Variants in FKTN observed in about 807,000 individuals in gnomAD.
The protein encoded by FKTN is fukutin.
Under a neutral mutation model 58.6 loss-of-function variants are expected in FKTN, and 47 were observed. The ratio of observed to expected loss-of-function variants is 0.80; its 90% CI spans 0.63 to 1.02. FKTN has a LOEUF of 1.02. Ranked by LOEUF, FKTN falls within the 50% of genes least tolerant of loss-of-function variation. The pLI, the probability that FKTN is intolerant of heterozygous loss-of-function variation, is 0.00. For synonymous variants in FKTN, 178 were observed against 191.9 expected, an observed-to-expected ratio of 0.93 and a Z score of 0.60; for missense variants, 516 against 537.3, an observed-to-expected ratio of 0.96 and a Z score of 0.39.
intron 10 of FKTN, among the ~76,000 whole-genome samples, chr9:105,622,346 G>A (rs1832111199): frequency 6.6e-6 from 1 of 151,930 alleles, no homozygotes; most frequent in East Asian, 1.9e-4. Flanking sequence ...AAAGGCAGAA[G>A]AGGAACTCAA....
At chr9:105,634,979 T>G in intron 10 of FKTN, 72 bp from the exon 11 acceptor site, 1 of 1,191,556 alleles carries the variant, frequency 8.4e-7, no homozygotes, top group Non-Finnish European at 1.3e-6. Flanking sequence ...CAGCCAATAA[T>G]GCACTAGCAG....
intron 8 of FKTN, 49 bp from the exon 9 acceptor site, chr9:105,617,910 A>G: frequency 8.0e-7 from 1 of 1,250,998 alleles, no homozygotes; most frequent in Non-Finnish European, 1.1e-6. Flanking sequence ...ATAATAACTA[A>G]TTTTTTCCAA....
chr9:105,606,694 TTA>T (rs201784966), intron 6 of FKTN, among the ~76,000 whole-genome samples: 3 of 92,116 alleles, frequency 3.3e-5, no homozygotes, highest in Non-Finnish European at 6.1e-5. Context: ...TATATATATA[TTA>T]TATATATATG....
chr9:105,594,072 T>C (rs1388150590), intron 3 of FKTN, among the ~76,000 whole-genome samples: 1 of 152,152 alleles, frequency 6.6e-6, no homozygotes, highest in African/African-American at 2.4e-5. Context: ...TGTATACTGA[T>C]GGGAATGATC....
At chr9:105,608,669 C>T (rs1363265285) in intron 7 of FKTN, among the ~76,000 whole-genome samples, 2 of 152,152 alleles carry the variant, frequency 1.3e-5, no homozygotes, top group Admixed American at 6.5e-5. Context: ...ACGAGGGATA[C>T]GAAAATGAAG....
At chr9:105,593,995 G>A (rs576685050) in intron 3 of FKTN, among the ~76,000 whole-genome samples, 1 of 152,284 alleles carries the variant, frequency 6.6e-6, no homozygotes, top group East Asian at 1.9e-4. Flanking sequence ...GAAAAGAGGA[G>A]TTGAGAAGTT....
intron 1 of FKTN, among the ~76,000 whole-genome samples, chr9:105,563,456 T>C (rs1838695675): frequency 1.3e-5 from 2 of 152,222 alleles, no homozygotes; most frequent in African/African-American, 4.8e-5. Context: ...CCCACCCTAA[T>C]ACTGTGCTTT....
Position 105,581,521 on chromosome 9 carries a change from G to T in FKTN, c.105+6384G>T, listed in dbSNP as rs936752477. Among the ~76,000 whole-genome samples, 503 of 151,200 alleles carry T rather than the reference G, an allele frequency of 3.3e-3. 8 individuals carry two copies. The highest frequency in any genetic ancestry group is 0.024 in the East Asian group (123 of 5,156). On this transcript the variant is annotated intron_variant, in intron 3 of 10. Transcript: ENST00000357998. Reference sequence around the variant, plus strand: ...GACCCACTTGAGGAGGCAGTCTGCCGGTTCTCAGATCTCCAGCTGCGTGCT... The same window carrying T: ...GACCCACTTGAGGAGGCAGTCTGCCTGTTCTCAGATCTCCAGCTGCGTGCT...
At chr9:105,566,206 T>C (rs1040809915) in intron 1 of FKTN, among the ~76,000 whole-genome samples, 41 of 152,226 alleles carry the variant, frequency 2.7e-4, no homozygotes, top group Non-Finnish European at 5.1e-4. Context: ...AGGAAAGATC[T>C]AAAATTGACA....
chr9:105,590,132 C>T (rs910064172), intron 3 of FKTN, among the ~76,000 whole-genome samples: 2 of 152,054 alleles, frequency 1.3e-5, no homozygotes, highest in Non-Finnish European at 2.9e-5. Context: ...AATTGTAGCT[C>T]CCATAATTCC....
Position 105,627,934 on chromosome 9 carries a change from C to A in FKTN, c.1173-7117C>A, listed in dbSNP as rs143831424. ...GTTTTGTTAAGATGATAAGGTGACA[C>A]TGGGTTGATGACTTGATCCAACCTA... On this transcript the variant is annotated intron_variant, in intron 10 of 10. Transcript: ENST00000357998. Among the ~76,000 whole-genome samples the A allele has an allele frequency of 1.9e-3, 284 of 152,290 alleles. 4 individuals are homozygous for A. Among genetic ancestry groups the A allele is most frequent in the Admixed American group, 0.016 (243 of 15,292 alleles).
At chr9:105,593,996 T>C (rs1021563613) in intron 3 of FKTN, among the ~76,000 whole-genome samples, 2 of 151,776 alleles carry the variant, frequency 1.3e-5, no homozygotes, top group African/African-American at 4.8e-5. Flanking sequence ...AAAAGAGGAG[T>C]TGAGAAGTTT....
At chr9:105,586,659 G>A (rs72746056) in intron 3 of FKTN, among the ~76,000 whole-genome samples, 3,167 of 152,202 alleles carry the variant, frequency 0.021, 47 homozygotes, top group Admixed American at 0.037. Flanking sequence ...CAATTGTTTG[G>A]CTTTCAGCAA....
Position 105,636,727 on chromosome 9 carries a change from G to T in FKTN, c.*1463G>T, listed in dbSNP as rs749310701. On this transcript the variant is annotated 3_prime_UTR_variant, in exon 11 of 11. Coordinates refer to ENST00000357998, the MANE Select transcript of FKTN (RefSeq NM_001079802.2). ...ATGCTATTTAGGACTACTTTCTGGA[G>T]CTTGGCAGATTTTCCTCTGACACCA... 1.0e-5 allele frequency: 13 copies of T among 1,297,480 alleles called. No homozygotes were observed. The South Asian group carries it at 1.6e-4, about 16-fold the overall frequency. 80.4% of individuals were successfully genotyped at this position (1,297,480 alleles called of 1,614,324 possible).
chr9:105,574,988 G>T lies in FKTN; in HGVS notation c.-45G>T, dbSNP rs77013649. 4.5e-3 allele frequency: 4,528 copies of T among 1,013,936 alleles called. 137 individuals carry two copies. In the African/African-American group the frequency reaches 0.064, roughly 14 times the overall value. The allele number at this position is 1,013,936 out of a possible 1,614,324, so 62.8% of individuals were successfully genotyped here. A position where few individuals can be genotyped will look rare whatever the true frequency, so the allele number is the denominator to read the frequency against. On this transcript the variant is annotated 5_prime_UTR_variant, in exon 3 of 11. Transcript: ENST00000357998. The stretch of plus-strand genomic sequence containing the variant: ...TTTCCAAATCCAAAAAGATGAAAAC[G>T]ACTGAGATACTTTCAAAAGACAACC...
rs116515254 is a variant in FKTN, at chr9:105,560,518, T to C, written c.-181+2353T>C. On this transcript the variant is annotated intron_variant, in intron 1 of 10. Coordinates refer to ENST00000357998, the MANE Select transcript of FKTN (RefSeq NM_001079802.2). ...ACTTCTTATGAAAATAATATATGCT[T>C]ATACAAATATTGGAACAATATAGAA... Among the ~76,000 whole-genome samples, 1,379 of 152,278 alleles carry C rather than the reference T, an allele frequency of 9.1e-3. 20 individuals carry two copies. The highest frequency in any genetic ancestry group is 0.032 in the African/African-American group (1,319 of 41,534).
intron 1 of FKTN, among the ~76,000 whole-genome samples, chr9:105,569,798 T>G (rs1046836709): frequency 6.6e-6 from 1 of 152,206 alleles, no homozygotes; most frequent in Admixed American, 6.5e-5. Context: ...TTACATCTTT[T>G]TTTTCCCTGA....
intron 3 of FKTN, among the ~76,000 whole-genome samples, chr9:105,576,173 T>C (rs1841651835): frequency 6.6e-6 from 1 of 151,584 alleles, no homozygotes; most frequent in African/African-American, 2.4e-5. Flanking sequence ...ATTAATTTAT[T>C]TTTTTTATTA....
chr9:105,580,142 A>C (rs1842598481), intron 3 of FKTN, among the ~76,000 whole-genome samples: 1 of 152,042 alleles, frequency 6.6e-6, no homozygotes, highest in Non-Finnish European at 1.5e-5. Context: ...TGTGTCTTTT[A>C]ATTGGAGAAT....
Sources: gnomAD v4.1 joint callset for allele counts (sites outside exome capture counted in the v4.1 genomes callset) on GRCh38, gnomAD v4.1.1 for gene constraint, MANE v1.5 for transcripts, NCBI Gene and HGNC (gene_info 2026-07-23, HGNC 2026-07-21) for gene names.